TULP4: variants seen among roughly 807,000 people sequenced by gnomAD.
The protein encoded by TULP4 is tubby-related protein 4.
TULP4 carries 16 observed loss-of-function variants against 129.0 expected under a neutral mutation model. That is an observed-to-expected ratio of 0.12 (90% CI 0.08 to 0.19). The LOEUF is 0.19. Among genes scored for constraint, TULP4 ranks in the 10% least tolerant of loss-of-function variants. The probability of loss-of-function intolerance (pLI) is 1.00; values close to 1 mark genes in which losing one functional copy is unlikely to be tolerated. For missense variants in TULP4, 1,842 were observed against 2,059.1 expected (o/e 0.89, Z 2.04); for synonymous variants, 998 against 854.0 (o/e 1.17, Z -2.94).
chr6:158,479,070 A>AG (rs1459395556), intron 6 of TULP4, among the ~76,000 whole-genome samples: 7 of 152,102 alleles, frequency 4.6e-5, no homozygotes, highest in Non-Finnish European at 1.0e-4. Context: ...TCATGAGAAA[A>AG]GGGGGAGGCT....
chr6:158,243,949 GA>G (rs1353099688), intron 1 of TULP4, among the ~76,000 whole-genome samples: 1 of 151,834 alleles, frequency 6.6e-6, no homozygotes, highest in East Asian at 1.9e-4. Context: ...GGAAGGGTTT[GA>G]AAAGTGTCTG....
chr6:158,318,167 C>G (rs1276518608), intron 1 of TULP4, among the ~76,000 whole-genome samples: 4 of 152,116 alleles, frequency 2.6e-5, no homozygotes, highest in African/African-American at 9.7e-5. Flanking sequence ...ATATTAGAAT[C>G]TGTTCCATTT....
intron 1 of TULP4, among the ~76,000 whole-genome samples, chr6:158,336,677 C>A (rs1204124853): frequency 6.6e-6 from 1 of 152,114 alleles, no homozygotes; most frequent in Non-Finnish European, 1.5e-5. Flanking sequence ...ACCTGCCAGG[C>A]AATTTGTTTT....
chr6:158,299,926 G>A (rs1365959265), intron 1 of TULP4, among the ~76,000 whole-genome samples: 3 of 152,184 alleles, frequency 2.0e-5, no homozygotes, highest in Non-Finnish European at 2.9e-5. Context: ...AAGAACAGGG[G>A]GATGTTATTT....
At chr6:158,279,021 GCTCCGC>G (rs1562503793), upstream of TULP4, among the ~76,000 whole-genome samples, 1 of 147,032 alleles carries the variant, frequency 6.8e-6, no homozygotes, top group Non-Finnish European at 1.5e-5. Context: ...CTCACTGCAA[GCTCCGC>G]CTCCTGGGTT....
chr6:158,482,774 G>A (rs866113412), intron 8 of TULP4, among the ~76,000 whole-genome samples: 1 of 152,198 alleles, frequency 6.6e-6, no homozygotes, highest in East Asian at 1.9e-4. Context: ...AAATGTTGGC[G>A]ATAACTTAGG....
chr6:158,506,674 G>T lies in TULP4; in HGVS notation c.4612G>T (p.Val1538Leu), dbSNP rs775908189. Residue 1538 changes from valine to leucine, a missense_variant, in exon 14 of 14, where the codon GTG becomes TTG. Transcript: ENST00000367097. ...GGCCTTTGCAGTTGCCCTGGCCAAC[G>T]TGACTCAGCGCCTCAAATGAAGAGA... is the stretch of plus-strand genomic sequence containing the variant. ...VQAFAVALAN[V>L]TQRLK The T allele has an allele frequency of 1.2e-6, 2 of 1,612,036 alleles. No individual in the cohort carries two copies. The highest frequency in any genetic ancestry group is 2.7e-5 in the African/African-American group (2 of 74,884).
intron 1 of TULP4, among the ~76,000 whole-genome samples, chr6:158,369,028 A>T (rs942056484): frequency 6.6e-6 from 1 of 152,246 alleles, no homozygotes; most frequent in Non-Finnish European, 1.5e-5. Flanking sequence ...CCAAATTTCA[A>T]GAAGTGTCTC....
intron 1 of TULP4, among the ~76,000 whole-genome samples, chr6:158,352,113 CT>C (rs1780538767): frequency 6.6e-6 from 1 of 152,076 alleles, no homozygotes; most frequent in Admixed American, 6.5e-5. Context: ...TGTACAAATT[CT>C]TTTGGGGCTG....
Position 158,493,251 on chromosome 6 carries a change from C to T in TULP4, c.1632-322C>T, listed in dbSNP as rs939527638. The stretch of plus-strand genomic sequence containing the variant: ...CTCAAGTGGAGTTGTGTAATCGTAG[C>T]TCATTGCAGCCTTGAACTCCTGGGC... On this transcript the variant is annotated intron_variant, in intron 9 of 13. Transcript: ENST00000367097. The surrounding 1 kb of genome is among the most constrained non-coding windows in gnomAD (Gnocchi z 4.4). Among the ~76,000 whole-genome samples the T allele has an allele frequency of 1.3e-5, 2 of 152,166 alleles. No homozygotes were observed. Among genetic ancestry groups the T allele is most frequent in the Non-Finnish European group, 2.9e-5 (2 of 68,038 alleles).
At chr6:158,243,082 C>T (rs1001826641) in intron 1 of TULP4, among the ~76,000 whole-genome samples, 5 of 152,126 alleles carry the variant, frequency 3.3e-5, no homozygotes, top group Admixed American at 1.3e-4. Flanking sequence ...CCACCGCACC[C>T]GGCCTATCAT....
rs1291144920 is a variant in TULP4 at position 158,452,243 on chromosome 6, C to T, written c.834C>T (p.Pro278=). The T allele has an allele frequency of 1.9e-6, 3 of 1,614,052 alleles. No homozygotes were observed. The highest frequency in any genetic ancestry group is 2.7e-5 in the African/African-American group (2 of 74,914). Residue 278 remains proline, a synonymous_variant, in exon 5 of 14, where the codon CCC becomes CCT. Coordinates refer to ENST00000367097, the MANE Select transcript of TULP4 (RefSeq NM_020245.5). ...SLMNNYDDLS[P]TVIRSGLKEV... ...TGAACAACTACGATGACTTGTCTCC[C>T]ACGGTCATCCGCTCAGGGCTGAAAG...
At chr6:158,275,475 C>T (rs1778628456) in intron 1 of TULP4, among the ~76,000 whole-genome samples, 1 of 152,164 alleles carries the variant, frequency 6.6e-6, no homozygotes, top group African/African-American at 2.4e-5. Context: ...TTCATATTCT[C>T]CTGGCACTGA....
At chr6:158,433,079 C>G (rs750501166) in intron 3 of TULP4, among the ~76,000 whole-genome samples, 1 of 152,234 alleles carries the variant, frequency 6.6e-6, no homozygotes, top group East Asian at 1.9e-4. Context: ...GAACCAGGAT[C>G]CAGTTTAATT....
chr6:158,484,551 G>A (rs1780021874), intron 8 of TULP4, among the ~76,000 whole-genome samples: 1 of 152,146 alleles, frequency 6.6e-6, no homozygotes, highest in Admixed American at 6.5e-5. Flanking sequence ...GTGAAGGTAG[G>A]ACATTTAGGG....
chr6:158,295,717 A>G (rs1779016253), intron 1 of TULP4, among the ~76,000 whole-genome samples: 1 of 152,076 alleles, frequency 6.6e-6, no homozygotes, highest in South Asian at 2.1e-4. Context: ...GTGAAACTCC[A>G]TCTCTACTAA....
intron 1 of TULP4, among the ~76,000 whole-genome samples, chr6:158,252,928 C>CT (rs755505266): frequency 5.9e-5 from 9 of 152,108 alleles, no homozygotes; most frequent in Non-Finnish European, 1.0e-4. Flanking sequence ...CAGTTCAGTC[C>CT]TTTCACACAC....
chr6:158,291,626 C>A (rs542175821), intron 1 of TULP4, among the ~76,000 whole-genome samples: 39 of 151,914 alleles, frequency 2.6e-4, no homozygotes, highest in Non-Finnish European at 4.9e-4. Flanking sequence ...TCAGATATTT[C>A]TTTTCCATTT....
intron 1 of TULP4, among the ~76,000 whole-genome samples, chr6:158,243,113 A>G (rs1337741715): frequency 1.3e-5 from 2 of 152,138 alleles, no homozygotes; most frequent in African/African-American, 4.8e-5. Context: ...AAACATTGCT[A>G]ACAGTGGAGA....
Sources: gnomAD v4.1 joint callset for allele counts (sites outside exome capture counted in the v4.1 genomes callset) on GRCh38, gnomAD v4.1.1 for gene constraint, Gnocchi (gnomAD v3.1) non-coding constraint, MANE v1.5 for transcripts, NCBI Gene and HGNC (gene_info 2026-07-23, HGNC 2026-07-21) for gene names.